The following COL25A1 variants were observed in gnomAD, a reference collection of about 807,000 sequenced individuals.
COL25A1 encodes the protein collagen alpha-1(XXV) chain.
COL25A1 carries 103 observed loss-of-function variants against 128.4 expected under a neutral mutation model. The ratio of observed to expected loss-of-function variants is 0.80; its 90% CI spans 0.68 to 0.94. The LOEUF (loss-of-function observed/expected upper bound fraction) is 0.94, where lower values mean the gene tolerates loss of function less well. Among genes scored for constraint, COL25A1 ranks in the 40% least tolerant of loss-of-function variants. COL25A1 has a pLI of 0.00. For missense variants in COL25A1, 745 were observed against 840.0 expected, an observed-to-expected ratio of 0.89 and a Z score of 1.40; for synonymous variants, 279 against 277.2, an observed-to-expected ratio of 1.01 and a Z score of -0.06.
chr4:108,899,434 T>A lies in COL25A1; in HGVS notation c.835-254A>T, dbSNP rs947755792. Among the ~76,000 whole-genome samples, 12 of 152,306 alleles carry A rather than the reference T, an allele frequency of 7.9e-5. 1 individual carries two copies. In the South Asian group the frequency reaches 2.3e-3, roughly 29 times the overall value. On this transcript the variant is annotated intron_variant, in intron 14 of 37. Transcript: ENST00000399132. ...ACTAAATAAATGTTTTTGAAGATTA[T>A]CATCCAGAAACTGGCTTTTGGAGCA...
Position 109,086,732 on chromosome 4 carries a change from G to A in COL25A1, c.368-36553C>T, listed in dbSNP as rs565724801. ...AATAACTATCCATCACCCACGCCTG[G>A]CTATTCAATTAAAACTCTGGCTAAG... On this transcript the variant is annotated intron_variant, in intron 3 of 37. Transcript: ENST00000399132. Among the ~76,000 whole-genome samples, 30 of 152,180 alleles carry A rather than the reference G, an allele frequency of 2.0e-4. No individual in the cohort carries two copies. The South Asian group carries it at 5.8e-3, about 29-fold the overall frequency.
chr4:109,050,871 G>GA (rs543273434), intron 3 of COL25A1, among the ~76,000 whole-genome samples: 28 of 149,618 alleles, frequency 1.9e-4, no homozygotes, highest in African/African-American at 4.9e-4. Flanking sequence ...TAAAAGCAGA[G>GA]AAAAAAACTT....
At chr4:109,279,523 C>T (rs1282588893) in intron 3 of COL25A1, among the ~76,000 whole-genome samples, 2 of 152,102 alleles carry the variant, frequency 1.3e-5, no homozygotes, top group Non-Finnish European at 2.9e-5. Context: ...CAATAGTGAG[C>T]CCTGATTGTG....
At chr4:108,940,399 T>C in intron 10 of COL25A1, 140 bp downstream of exon 10, 1 of 747,260 alleles carries the variant, frequency 1.3e-6, no homozygotes, top group Non-Finnish European at 2.4e-6. Context: ...CCTACTCCAC[T>C]CATCATCCCA....
At chr4:109,121,595 T>C (rs1329302044) in intron 3 of COL25A1, among the ~76,000 whole-genome samples, 1 of 152,112 alleles carries the variant, frequency 6.6e-6, no homozygotes, top group Non-Finnish European at 1.5e-5. Context: ...CCTATTAGAA[T>C]GACCAAAATC....
At chr4:109,111,180 T>C (rs1766980659) in intron 3 of COL25A1, among the ~76,000 whole-genome samples, 1 of 152,198 alleles carries the variant, frequency 6.6e-6, no homozygotes, top group South Asian at 2.1e-4. Context: ...TCGCAATGAC[T>C]GTTCTTTCTG....
At chr4:108,850,814 T>C (rs934203272) in intron 26 of COL25A1, among the ~76,000 whole-genome samples, 2 of 152,078 alleles carry the variant, frequency 1.3e-5, no homozygotes, top group South Asian at 2.1e-4. Flanking sequence ...CGAATAGCAA[T>C]TGGATTATAA....
At chr4:109,262,034 T>C (rs554318204) in intron 3 of COL25A1, among the ~76,000 whole-genome samples, 6 of 152,100 alleles carry the variant, frequency 3.9e-5, no homozygotes, top group Admixed American at 3.9e-4. Flanking sequence ...TCCCACGTTG[T>C]TTCCGTTTCA....
intron 32 of COL25A1, among the ~76,000 whole-genome samples, chr4:108,831,752 C>T (rs756905362): frequency 6.6e-6 from 1 of 150,942 alleles, no homozygotes; most frequent in Non-Finnish European, 1.5e-5. Flanking sequence ...AAGAAAGTTC[C>T]AGACAGATGA....
chr4:109,230,303 C>G (rs142928844), intron 3 of COL25A1, among the ~76,000 whole-genome samples: 93 of 152,296 alleles, frequency 6.1e-4, no homozygotes, highest in African/African-American at 2.1e-3. Flanking sequence ...TAAAGTCATA[C>G]CATCAACGGG....
chr4:108,983,180 A>G (rs1304284147), intron 6 of COL25A1, among the ~76,000 whole-genome samples: 1 of 151,788 alleles, frequency 6.6e-6, no homozygotes, highest in Non-Finnish European at 1.5e-5. Flanking sequence ...TTCTTTGTTT[A>G]ACTTTGATTT....
chr4:109,105,136 A>G (rs992679001), intron 3 of COL25A1, among the ~76,000 whole-genome samples: 1 of 152,040 alleles, frequency 6.6e-6, no homozygotes, highest in Non-Finnish European at 1.5e-5. Flanking sequence ...TTGTGAAGCT[A>G]CTCTAAATAC....
chr4:109,019,558 T>C (rs1325803465), intron 5 of COL25A1, among the ~76,000 whole-genome samples: 1 of 151,822 alleles, frequency 6.6e-6, no homozygotes, highest in Non-Finnish European at 1.5e-5. Flanking sequence ...ACGTCTTACA[T>C]GGTGGCAGCC....
intron 3 of COL25A1, among the ~76,000 whole-genome samples, chr4:109,198,294 T>A (rs6817575): frequency 1.4e-5 from 2 of 143,946 alleles, no homozygotes; most frequent in Non-Finnish European, 3.0e-5. Context: ...GCATATTCAT[T>A]CACACACACA....
chr4:109,235,222 A>G (rs1256584175), intron 3 of COL25A1, among the ~76,000 whole-genome samples: 1 of 152,132 alleles, frequency 6.6e-6, no homozygotes, highest in Non-Finnish European at 1.5e-5. Context: ...AACAATCAGC[A>G]GCAATTTTTT....
At chr4:108,983,914 G>A (rs1044272497) in intron 6 of COL25A1, among the ~76,000 whole-genome samples, 28 of 152,160 alleles carry the variant, frequency 1.8e-4, no homozygotes, top group Admixed American at 9.8e-4. Context: ...AGCTTCCACA[G>A]TGTGGAAGGG....
intron 11 of COL25A1, among the ~76,000 whole-genome samples, chr4:108,925,714 C>T (rs1745972815): frequency 6.6e-6 from 1 of 152,126 alleles, no homozygotes; most frequent in Admixed American, 6.6e-5. Flanking sequence ...ACAGAAATGG[C>T]AGGATTTTTC....
At chr4:108,854,406 A>G (rs1736206531) in intron 24 of COL25A1, among the ~76,000 whole-genome samples, 1 of 152,108 alleles carries the variant, frequency 6.6e-6, no homozygotes, top group Non-Finnish European at 1.5e-5. Flanking sequence ...AATAGCAAAA[A>G]AACTACCATC....
At chr4:109,254,472 TA>T (rs1560936632) in intron 3 of COL25A1, among the ~76,000 whole-genome samples, 28 of 82,898 alleles carry the variant, frequency 3.4e-4, no homozygotes, top group African/African-American at 2.2e-3. Context: ...CATATGTTTA[TA>T]TATATATATA....
Sources: allele counts gnomAD v4.1 joint callset (sites outside exome capture counted in the v4.1 genomes callset), GRCh38; gene constraint gnomAD v4.1.1; transcripts MANE v1.5; gene names NCBI Gene and HGNC (gene_info 2026-07-23, HGNC 2026-07-21).